Variants in TEX13C observed in about 807,000 individuals in gnomAD.
The protein encoded by TEX13C is testis-expressed protein 13C.
For synonymous variants in TEX13C, 219 were observed against 116.6 expected (o/e 1.88, Z -5.65); for missense variants, 480 against 298.7 (o/e 1.61, Z -4.47).
upstream of TEX13C, chrX:125,319,969 A>C: frequency 2.3e-6 from 1 of 427,796 alleles, no homozygotes; most frequent in South Asian, 3.7e-5. Flanking sequence ...AAGGAGGCCA[A>C]GGAGGAGGCC....
exon 1 of TEX13C, chrX:125,321,176 A>C (rs1398015316): frequency 5.8e-6 from 3 of 514,012 alleles, no homozygotes; most frequent in Non-Finnish European, 1.0e-5. Flanking sequence ...CCCAGAGTTT[A>C]GCAGGAGCCA....
chrX:125,322,047 C>T, exon 1 of TEX13C: 2 of 435,043 alleles, frequency 4.6e-6, no homozygotes, highest in Non-Finnish European at 8.0e-6. Flanking sequence ...GAGATGGTCC[C>T]CCTGGGGGAC....
In TEX13C at chrX:125,320,925, T is replaced by A. The variant is rs746775193; in HGVS notation, c.806T>A (p.Ile269Asn). ...GCACCACAGATGCCTCCTGCAGGGATCTATCCACCTGGTCTTTGGGCCACA... is the reference window on the plus strand; with the variant it reads ...GCACCACAGATGCCTCCTGCAGGGAACTATCCACCTGGTCTTTGGGCCACA... Residue 269 changes from isoleucine to asparagine, a missense_variant, in exon 1 of 1, where the codon ATC becomes AAC. Transcript: ENST00000632600. 4 of 515,401 alleles carry A rather than the reference T, an allele frequency of 7.8e-6. No individual in the cohort carries two copies. The Admixed American group carries it at 1.1e-4, about 14-fold the overall frequency. The allele number at this position is 515,401 out of a possible 1,213,427, so 42.5% of individuals were successfully genotyped here.
At chrX:125,324,590 T>C (rs2148414841) in exon 1 of TEX13C, 1 of 111,464 alleles carries the variant, frequency 9.0e-6, no homozygotes, top group South Asian at 3.8e-4. Context: ...GTAACCAAAC[T>C]GCTTGTCTCA....
chrX:125,319,886 G>A (rs2018817188), upstream of TEX13C, among the ~76,000 whole-genome samples: 1 of 112,278 alleles, frequency 8.9e-6, no homozygotes, highest in East Asian at 2.8e-4. Flanking sequence ...GATGTGTCGC[G>A]GAGTTGCCGA....
Position 125,320,404 on chromosome X carries a change from G to T in TEX13C, c.285G>T (p.Gly95=), listed in dbSNP as rs764610887. 76 of 515,035 alleles carry T rather than the reference G, an allele frequency of 1.5e-4. No individual in the cohort carries two copies. In the African/African-American group the frequency reaches 1.6e-3, roughly 11 times the overall value. The allele number at this position is 515,035 out of a possible 1,213,427, so 42.4% of individuals were successfully genotyped here. A position where few individuals can be genotyped will look rare whatever the true frequency, so the allele number is the denominator to read the frequency against. Residue 95 remains glycine, a synonymous_variant, in exon 1 of 1, where the codon GGG becomes GGT. Transcript: ENST00000632600. ...TGTACCAGGTTTGGTGGCTGCAAGG[G>T]CATGTGGAGGAGTGCCAGGCGACCT...
chrX:125,321,745 C>G (rs2018844340), exon 1 of TEX13C: 1 of 507,426 alleles, frequency 2.0e-6, no homozygotes, highest in Admixed American at 2.7e-5. Flanking sequence ...TGGGGGACAG[C>G]AGAAGCCACA....
upstream of TEX13C, chrX:125,320,088 T>A (rs749369429): frequency 4.1e-4 from 190 of 458,756 alleles, 3 homozygotes; most frequent in East Asian, 7.0e-3. Context: ...CGACGCACCG[T>A]GAGGCAGCTG....
At chrX:125,323,200 AC>A in exon 1 of TEX13C, 1 of 425,820 alleles carries the variant, frequency 2.3e-6, no homozygotes. Context: ...TATTTACTTA[AC>A]AGAAAATTTG....
At chrX:125,322,386 A>G in exon 1 of TEX13C, 1 of 480,161 alleles carries the variant, frequency 2.1e-6, no homozygotes, top group South Asian at 2.5e-5. Flanking sequence ...CTGAAGAAAG[A>G]TCCAGTGATG....
chrX:125,320,863 A>G (rs1257607317), exon 1 of TEX13C: 9 of 514,687 alleles, frequency 1.7e-5, no homozygotes, highest in Non-Finnish European at 3.1e-5. Flanking sequence ...CAACACCTCT[A>G]CCACCCCCAG....
chrX:125,323,288 G>A (rs1389771573), exon 1 of TEX13C: 4 of 389,248 alleles, frequency 1.0e-5, no homozygotes, highest in Non-Finnish European at 1.8e-5. Context: ...TTATCATTGT[G>A]AGTATACATA....
chrX:125,320,265 G>A (rs1486724270), exon 1 of TEX13C: 26 of 515,264 alleles, frequency 5.0e-5, no homozygotes, highest in Admixed American at 5.3e-5. Flanking sequence ...GTAGAGGACC[G>A]GCTTCGGGCC....
At chrX:125,322,653 A>G (rs2018859555) in exon 1 of TEX13C, 1 of 512,408 alleles carries the variant, frequency 2.0e-6, no homozygotes, top group Non-Finnish European at 3.5e-6. Flanking sequence ...GTGATGCCCA[A>G]GGAGATGGTC....
upstream of TEX13C, chrX:125,320,116 C>T (rs187970855): frequency 3.8e-4 from 178 of 469,294 alleles, 1 homozygote; most frequent in East Asian, 5.5e-3. Flanking sequence ...AGGCCGCAGC[C>T]GCCATGGCGA....
rs1305886763 is a variant in TEX13C at position 125,320,431 on chromosome X, C to A, written c.312C>A (p.Ser104=). 5.8e-6 allele frequency: 3 copies of A among 515,945 alleles called. No individual in the cohort carries two copies. The East Asian group carries it at 1.1e-4, about 19-fold the overall frequency. The allele number at this position is 515,945 out of a possible 1,213,427, so 42.5% of individuals were successfully genotyped here. ...ATGTGGAGGAGTGCCAGGCGACCTC[C>A]TGGGCTCTAACTTCCCAGCTGCAGC... The change falls in exon 1 of 1, where the codon TCC becomes TCA. Residue 104 remains serine, a synonymous_variant. Transcript: ENST00000632600.
exon 1 of TEX13C, chrX:125,323,032 G>A (rs1338511326): frequency 9.7e-6 from 5 of 515,403 alleles, no homozygotes; most frequent in Non-Finnish European, 1.7e-5. Flanking sequence ...ATTTTCCACG[G>A]AACAAGGTGT....
chrX:125,320,611 C>T (rs1002736953), exon 1 of TEX13C: 12 of 514,523 alleles, frequency 2.3e-5, no homozygotes, highest in Admixed American at 1.1e-4. Context: ...ATTTTGTACC[C>T]GGTCCAGAAG....
chrX:125,321,364 C>T lies in TEX13C; in HGVS notation c.1245C>T (p.Asp415=), dbSNP rs1046703376. 7.4e-5 allele frequency: 38 copies of T among 512,893 alleles called. 1 individual carries two copies. The Middle Eastern group carries it at 9.3e-4, about 13-fold the overall frequency. The allele number at this position is 512,893 out of a possible 1,213,427, so 42.3% of individuals were successfully genotyped here. The change falls in exon 1 of 1, where the codon GAC becomes GAT. Residue 415 remains aspartate (D), a synonymous_variant. Coordinates refer to ENST00000632600, the Ensembl canonical transcript of TEX13C. ...ACAAGGAGATGGTCTCCCTGGGGGA[C>T]AGCAACAGCCACAGCATGAAGAAAG...
Sources: allele counts gnomAD v4.1 joint callset (sites outside exome capture counted in the v4.1 genomes callset), GRCh38; gene constraint gnomAD v4.1.1; transcripts MANE v1.5; gene names NCBI Gene and HGNC (gene_info 2026-07-23, HGNC 2026-07-21).